The following BTBD9 variants were observed in gnomAD, a reference collection of about 807,000 sequenced individuals.
The protein encoded by BTBD9 is BTB domain containing 9.
A neutral mutation model predicts 64.3 loss-of-function variants in BTBD9; 49 were observed. The observed-to-expected ratio is 0.76, with a 90% CI of 0.61 to 0.97. The LOEUF (loss-of-function observed/expected upper bound fraction) is 0.97, where lower values mean the gene tolerates loss of function less well. BTBD9 is among the 50% of genes least tolerant of loss of function. The pLI, the probability that BTBD9 is intolerant of heterozygous loss-of-function variation, is 0.00. For missense variants in BTBD9, 598 were observed against 762.1 expected (o/e 0.78, Z 2.53); for synonymous variants, 260 against 274.7 (o/e 0.95, Z 0.53).
intron 6 of BTBD9, among the ~76,000 whole-genome samples, chr6:38,442,960 G>A (rs533033113): frequency 3.8e-4 from 58 of 151,988 alleles, no homozygotes; most frequent in African/African-American, 5.8e-4. Flanking sequence ...GAGCCACCGC[G>A]CTTGGCCCAT....
intron 6 of BTBD9, among the ~76,000 whole-genome samples, chr6:38,466,481 C>T (rs6935557): frequency 0.014 from 2,198 of 151,820 alleles, 41 homozygotes; most frequent in African/African-American, 0.05. Flanking sequence ...TTAGTAGAGA[C>T]GGGGTTTCAC....
At chr6:38,296,584 A>G (rs1006649803) in intron 7 of BTBD9, among the ~76,000 whole-genome samples, 2 of 152,036 alleles carry the variant, frequency 1.3e-5, no homozygotes, top group Non-Finnish European at 2.9e-5. Flanking sequence ...CTAATATAGT[A>G]TTTTACTTCT....
chr6:38,554,844 G>A (rs1198857322), intron 6 of BTBD9, among the ~76,000 whole-genome samples: 3 of 152,208 alleles, frequency 2.0e-5, no homozygotes, highest in South Asian at 4.1e-4. Flanking sequence ...CTCCACTCTT[G>A]CTGTTGCAGC....
chr6:38,563,050 A>C (rs1775323602), intron 6 of BTBD9, among the ~76,000 whole-genome samples: 1 of 152,132 alleles, frequency 6.6e-6, no homozygotes, highest in Non-Finnish European at 1.5e-5. Context: ...TCTTTCTTGA[A>C]GCCACACATT....
At chr6:38,545,847 C>CACACAT (rs1562322393) in intron 6 of BTBD9, among the ~76,000 whole-genome samples, 5 of 102,702 alleles carry the variant, frequency 4.9e-5, no homozygotes, top group East Asian at 5.1e-4. Flanking sequence ...AACACACACA[C>CACACAT]ACACACATAC....
intron 6 of BTBD9, among the ~76,000 whole-genome samples, chr6:38,545,242 C>T (rs1370269665): frequency 6.6e-6 from 1 of 151,946 alleles, no homozygotes; most frequent in Admixed American, 6.6e-5. Context: ...CAGGCATGTG[C>T]CACCACAACC....
intron 6 of BTBD9, chr6:38,504,490 T>C (rs895115596): frequency 1.3e-5 from 6 of 456,052 alleles, no homozygotes; most frequent in African/African-American, 8.0e-5. Flanking sequence ...ACATCTCCTC[T>C]TACCTTTTGA....
At chr6:38,390,739 G>A (rs1179978370) in intron 6 of BTBD9, among the ~76,000 whole-genome samples, 2 of 152,254 alleles carry the variant, frequency 1.3e-5, no homozygotes, top group East Asian at 3.9e-4. Context: ...ATTACAAAGA[G>A]GTAGATGGTG....
intron 6 of BTBD9, among the ~76,000 whole-genome samples, chr6:38,550,562 C>T (rs1206683558): frequency 1.3e-5 from 2 of 152,042 alleles, no homozygotes; most frequent in African/African-American, 4.8e-5. Context: ...ATGATCTGCC[C>T]ACCTCAGCCT....
intron 6 of BTBD9, among the ~76,000 whole-genome samples, chr6:38,541,237 T>A (rs963964209): frequency 2.0e-5 from 3 of 152,264 alleles, no homozygotes; most frequent in African/African-American, 7.2e-5. Context: ...TATTTGAACA[T>A]GTTATTACTG....
At chr6:38,465,446 T>C (rs1770303112) in intron 6 of BTBD9, among the ~76,000 whole-genome samples, 1 of 117,758 alleles carries the variant, frequency 8.5e-6, no homozygotes, top group South Asian at 2.8e-4. Flanking sequence ...TGAAACCCCA[T>C]CTCTACTAAA....
intron 6 of BTBD9, among the ~76,000 whole-genome samples, chr6:38,544,978 G>C (rs780428913): frequency 5.3e-5 from 8 of 150,428 alleles, no homozygotes; most frequent in Non-Finnish European, 1.0e-4. Flanking sequence ...AGGGGAGATG[G>C]TTGTAGGAGA....
At chr6:38,492,441 A>G (rs961936438) in intron 6 of BTBD9, among the ~76,000 whole-genome samples, 3 of 152,220 alleles carry the variant, frequency 2.0e-5, no homozygotes, top group Non-Finnish European at 4.4e-5. Flanking sequence ...GTTCAAATGG[A>G]GGAAAGGGCT....
At chr6:38,279,218 T>G (rs543167109) in intron 8 of BTBD9, among the ~76,000 whole-genome samples, 1 of 152,040 alleles carries the variant, frequency 6.6e-6, no homozygotes, top group East Asian at 1.9e-4. Flanking sequence ...TAAGTAGATA[T>G]ACAAGCATGT....
At chr6:38,313,546 T>C (rs542917704) in intron 7 of BTBD9, among the ~76,000 whole-genome samples, 1 of 152,254 alleles carries the variant, frequency 6.6e-6, no homozygotes, top group East Asian at 1.9e-4. Flanking sequence ...TATGTTGAGG[T>C]ATGTTCCTTC....
At chr6:38,482,774 C>T (rs1006789982) in intron 6 of BTBD9, among the ~76,000 whole-genome samples, 2 of 152,090 alleles carry the variant, frequency 1.3e-5, no homozygotes, top group Non-Finnish European at 2.9e-5. Flanking sequence ...GCACAAATAA[C>T]TCAGTGGACC....
At chr6:38,307,594 C>T (rs998157151) in intron 7 of BTBD9, among the ~76,000 whole-genome samples, 11 of 152,192 alleles carry the variant, frequency 7.2e-5, no homozygotes, top group Non-Finnish European at 1.6e-4. Flanking sequence ...AACTGGAGCC[C>T]CTTTCCCCTA....
chr6:38,523,740 T>C (rs920438511), intron 6 of BTBD9, among the ~76,000 whole-genome samples: 2 of 152,240 alleles, frequency 1.3e-5, no homozygotes, highest in Non-Finnish European at 2.9e-5. Context: ...ACTTTATAGA[T>C]AGTAGCTAAC....
intron 10 of BTBD9, among the ~76,000 whole-genome samples, chr6:38,187,939 T>G (rs1239558876): frequency 1.3e-5 from 2 of 152,178 alleles, no homozygotes; most frequent in Non-Finnish European, 2.9e-5. Flanking sequence ...ACTCTCAGAC[T>G]GCCGAGGCCA....
Sources: gnomAD v4.1 joint callset for allele counts (sites outside exome capture counted in the v4.1 genomes callset) on GRCh38, gnomAD v4.1.1 for gene constraint, MANE v1.5 for transcripts, NCBI Gene and HGNC (gene_info 2026-07-23, HGNC 2026-07-21) for gene names.